The following SEPHS1 variants were observed in gnomAD, a reference collection of about 807,000 sequenced individuals.
The protein encoded by SEPHS1 is selenophosphate synthetase 1.
A neutral mutation model predicts 39.2 loss-of-function variants in SEPHS1; 7 were observed. That is an observed-to-expected ratio of 0.18 (90% CI 0.10 to 0.34). The LOEUF is 0.34. SEPHS1 is among the 10% of genes least tolerant of loss of function. SEPHS1 has a pLI of 1.00. For synonymous variants in SEPHS1, 190 were observed against 195.5 expected (o/e 0.97, Z 0.23); for missense variants, 253 against 514.5 (o/e 0.49, Z 4.92).
rs572836415 is a variant in SEPHS1 at position 13,344,140 on chromosome 10, T to G, written c.193+618A>C. Among the ~76,000 whole-genome samples the G allele has an allele frequency of 7.9e-5, 12 of 152,218 alleles. No homozygotes were observed. The South Asian group carries it at 2.5e-3, about 32-fold the overall frequency. ...CCCACCTCCTCACCGTAACACGCTT[T>G]TCGCCCGATGCACCCTGCAGAGAAC... On this transcript the variant is annotated intron_variant, in intron 2 of 8. Transcript: ENST00000327347.
intron 8 of SEPHS1, 64 bp from the exon 9 acceptor site, chr10:13,319,420 G>T: frequency 1.3e-6 from 2 of 1,546,248 alleles, no homozygotes; most frequent in Non-Finnish European, 1.8e-6. Flanking sequence ...TGCCTCTGCT[G>T]CTTCTGCAGA....
chr10:13,327,240 CA>C (rs34788028), intron 7 of SEPHS1, among the ~76,000 whole-genome samples: 36 of 82,780 alleles, frequency 4.3e-4, no homozygotes, highest in African/African-American at 1.1e-3. Context: ...GATTCTGTCT[CA>C]AAAAAAAAAA....
intron 1 of SEPHS1, among the ~76,000 whole-genome samples, chr10:13,347,664 G>T (rs1255296534): frequency 1.4e-4 from 20 of 146,022 alleles, no homozygotes; most frequent in Admixed American, 8.1e-4. Context: ...CGCGCGCACG[G>T]GCCGCCGCCG....
chr10:13,330,957 G>A (rs1833448354), intron 5 of SEPHS1, among the ~76,000 whole-genome samples: 1 of 151,516 alleles, frequency 6.6e-6, no homozygotes, highest in East Asian at 1.9e-4. Flanking sequence ...TTTACATTAG[G>A]TATATCTCCT....
At chr10:13,324,503 C>T (rs1177536467) in intron 7 of SEPHS1, among the ~76,000 whole-genome samples, 1 of 152,256 alleles carries the variant, frequency 6.6e-6, no homozygotes, top group African/African-American at 2.4e-5. Flanking sequence ...TCATAAGAAA[C>T]TGCCAAACTG....
At chr10:13,340,081 G>A (rs552492600) in intron 2 of SEPHS1, among the ~76,000 whole-genome samples, 19 of 152,150 alleles carry the variant, frequency 1.2e-4, no homozygotes, top group South Asian at 8.3e-4. Context: ...TATCTGAATC[G>A]CACTAAAACG....
chr10:13,320,635 G>A (rs971454998), intron 8 of SEPHS1, among the ~76,000 whole-genome samples: 1 of 151,738 alleles, frequency 6.6e-6, no homozygotes, highest in Non-Finnish European at 1.5e-5. Context: ...AGGTCAGGAG[G>A]TAGTTCAAGA....
At chr10:13,338,634 A>C in intron 3 of SEPHS1, 71 bp downstream of exon 3, 2 of 1,246,220 alleles carry the variant, frequency 1.6e-6, no homozygotes, top group Non-Finnish European at 2.4e-6. Context: ...GATACATACA[A>C]AACCCCAGCC....
Position 13,322,748 on chromosome 10 carries a change from G to A in SEPHS1, c.964+87C>T, listed in dbSNP as rs557300682. The stretch of plus-strand genomic sequence containing the variant: ...AGCATGGAACTCGAACAGAGTGGGG[G>A]CCCACTCGGGGTGGGGCTGCTGCTT... On this transcript the variant is annotated intron_variant, in intron 8 of 8. Coordinates refer to ENST00000327347, the MANE Select transcript of SEPHS1 (RefSeq NM_012247.5). 3.1e-4 allele frequency: 382 copies of A among 1,235,688 alleles called. 1 individual carries two copies. In the African/African-American group the frequency reaches 4.9e-3, roughly 16 times the overall value. The allele number at this position is 1,235,688 out of a possible 1,614,324, so 76.5% of individuals were successfully genotyped here.
At chr10:13,347,852 C>CCAGGCAGGG (rs1218393372) in intron 1 of SEPHS1, 148 bp downstream of exon 1, 1 of 145,876 alleles carries the variant, frequency 6.9e-6, no homozygotes, top group Non-Finnish European at 1.5e-5. Context: ...CTGCCCCTCT[C>CCAGGCAGGG]CAGGCAGGGC....
At chr10:13,338,660 C>T (rs1056472180) in intron 3 of SEPHS1, 45 bp downstream of exon 3, 1 of 1,492,378 alleles carries the variant, frequency 6.7e-7, no homozygotes. Flanking sequence ...CCAAACCAAA[C>T]AAATAAGCCC....
chr10:13,347,612 G>T (rs1300895693), intron 1 of SEPHS1, among the ~76,000 whole-genome samples: 1 of 147,168 alleles, frequency 6.8e-6, no homozygotes, highest in Admixed American at 6.7e-5. Context: ...GAGGCGGGGA[G>T]GCCCCGGAGG....
intron 2 of SEPHS1, among the ~76,000 whole-genome samples, chr10:13,343,251 T>C (rs946405687): frequency 2.0e-5 from 3 of 152,182 alleles, no homozygotes; most frequent in African/African-American, 4.8e-5. Context: ...GCTTCCTCAG[T>C]ATATTCTCAT....
intron 3 of SEPHS1, among the ~76,000 whole-genome samples, chr10:13,337,180 T>G (rs1366219906): frequency 6.6e-6 from 1 of 151,786 alleles, no homozygotes; most frequent in Non-Finnish European, 1.5e-5. Flanking sequence ...CAAAAAAAAT[T>G]TTTGTAGCTT....
chr10:13,342,310 G>A (rs1833815391), intron 2 of SEPHS1, among the ~76,000 whole-genome samples: 1 of 151,368 alleles, frequency 6.6e-6, no homozygotes, highest in Non-Finnish European at 1.5e-5. Flanking sequence ...GCCGGGTGCG[G>A]TGGCTCACGC....
At chr10:13,334,779 A>T (rs530485451) in intron 4 of SEPHS1, among the ~76,000 whole-genome samples, 2 of 152,358 alleles carry the variant, frequency 1.3e-5, no homozygotes, top group African/African-American at 4.8e-5. Context: ...ATGCTGGAAG[A>T]TGTTCTAGAC....
intron 2 of SEPHS1, among the ~76,000 whole-genome samples, chr10:13,340,341 G>A (rs753805211): frequency 4.6e-5 from 7 of 152,078 alleles, no homozygotes; most frequent in Middle Eastern, 3.2e-3. Context: ...AGAATGGCAA[G>A]TTTCAACAAT....
At position 13,329,805 on chromosome 10, in the gene SEPHS1, G is replaced by A. The variant is rs369269469; in HGVS notation, c.561-17C>T. 4.4e-6 allele frequency: 7 copies of A among 1,591,358 alleles called. No homozygotes were observed. Among genetic ancestry groups the A allele is most frequent in the Non-Finnish European group, 6.0e-6 (7 of 1,166,608 alleles). ...TTGTCTGGCCTGAAGAAAAGAAAAG[G>A]GCATGTTCTAGTCAAACTAACCAAG... On this transcript the variant is annotated splice_polypyrimidine_tract_variant and intron_variant, in intron 5 of 8. Transcript: ENST00000327347.
intron 1 of SEPHS1, among the ~76,000 whole-genome samples, chr10:13,347,596 A>G (rs1017350699): frequency 1.8e-4 from 26 of 146,878 alleles, no homozygotes; most frequent in African/African-American, 5.4e-4. Context: ...CGCGCGGAGA[A>G]AAGGGGAGGC....
Sources: allele counts gnomAD v4.1 joint callset (sites outside exome capture counted in the v4.1 genomes callset), GRCh38; gene constraint gnomAD v4.1.1; transcripts MANE v1.5; gene names NCBI Gene and HGNC (gene_info 2026-07-23, HGNC 2026-07-21).